The following CDKAL1 variants were observed in gnomAD, a reference collection of about 807,000 sequenced individuals.
CDKAL1 encodes threonylcarbamoyladenosine tRNA methylthiotransferase.
CDKAL1 carries 32 observed loss-of-function variants against 68.2 expected under a neutral mutation model. The observed-to-expected ratio is 0.47, with a 90% confidence interval of 0.35 to 0.63. CDKAL1 has a LOEUF of 0.63. Among genes scored for constraint, CDKAL1 ranks in the 30% least tolerant of loss-of-function variants. CDKAL1 has a pLI of 0.00. For missense variants in CDKAL1, 606 were observed against 696.7 expected (o/e 0.87, Z 1.47); for synonymous variants, 234 against 244.3 (o/e 0.96, Z 0.39).
At chr6:20,820,881 G>C (rs1777248515) in intron 8 of CDKAL1, among the ~76,000 whole-genome samples, 3 of 152,048 alleles carry the variant, frequency 2.0e-5, no homozygotes, top group African/African-American at 4.8e-5. Context: ...CAGCAGACTA[G>C]ATTAAAATGT....
chr6:20,647,896 T>C (rs1768551934), intron 4 of CDKAL1, among the ~76,000 whole-genome samples: 1 of 151,532 alleles, frequency 6.6e-6, no homozygotes, highest in Admixed American at 6.6e-5. Context: ...GTAGTTTCCA[T>C]GCCTTTCATT....
At chr6:20,707,957 T>G (rs1318192990) in intron 5 of CDKAL1, among the ~76,000 whole-genome samples, 2 of 151,956 alleles carry the variant, frequency 1.3e-5, no homozygotes, top group African/African-American at 4.8e-5. Flanking sequence ...CATGGACCTG[T>G]GATCTAAACT....
At chr6:20,738,747 C>T (rs1773312135) in intron 5 of CDKAL1, among the ~76,000 whole-genome samples, 1 of 152,182 alleles carries the variant, frequency 6.6e-6, no homozygotes, top group Non-Finnish European at 1.5e-5. Flanking sequence ...GATCCTCCCG[C>T]CTTGGCCTCC....
chr6:20,899,214 G>A (rs1193835230), intron 9 of CDKAL1, among the ~76,000 whole-genome samples: 5 of 151,898 alleles, frequency 3.3e-5, no homozygotes, highest in Non-Finnish European at 4.4e-5. Flanking sequence ...ACAGGTGCCC[G>A]CCACCACACC....
At chr6:20,982,922 T>C (rs1411201854) in intron 10 of CDKAL1, among the ~76,000 whole-genome samples, 1 of 152,232 alleles carries the variant, frequency 6.6e-6, no homozygotes, top group East Asian at 1.9e-4. Flanking sequence ...AATGGAACTT[T>C]TTCTTCATCT....
At chr6:20,846,013 C>T (rs948860345) in intron 8 of CDKAL1, 62 bp from the exon 9 acceptor site, 25 of 991,550 alleles carry the variant, frequency 2.5e-5, no homozygotes, top group Admixed American at 4.0e-5. Flanking sequence ...TGAGGTATCC[C>T]CATGTTAAGT....
chr6:20,984,073 T>C (rs1766305765), intron 10 of CDKAL1, among the ~76,000 whole-genome samples: 1 of 152,202 alleles, frequency 6.6e-6, no homozygotes, highest in Admixed American at 6.5e-5. Flanking sequence ...GTAAAACTAC[T>C]ACGTTTTTTT....
At chr6:20,733,891 G>A (rs1462050386) in intron 5 of CDKAL1, among the ~76,000 whole-genome samples, 2 of 152,250 alleles carry the variant, frequency 1.3e-5, no homozygotes, top group East Asian at 1.9e-4. Flanking sequence ...GCTCATGCCT[G>A]TAATCCCAGC....
intron 4 of CDKAL1, among the ~76,000 whole-genome samples, chr6:20,551,654 G>A (rs572303448): frequency 1.3e-5 from 2 of 152,084 alleles, no homozygotes; most frequent in African/African-American, 4.8e-5. Flanking sequence ...ACAGGTGTGA[G>A]CCACCGCGCC....
intron 5 of CDKAL1, among the ~76,000 whole-genome samples, chr6:20,689,304 G>T (rs73732740): frequency 0.068 from 10,299 of 152,118 alleles, 1,111 homozygotes; most frequent in African/African-American, 0.23. Flanking sequence ...TACTCTAAAA[G>T]TTGTCCACAC....
chr6:20,568,474 C>T (rs1764552428), intron 4 of CDKAL1, among the ~76,000 whole-genome samples: 1 of 151,844 alleles, frequency 6.6e-6, no homozygotes, highest in Admixed American at 6.6e-5. Flanking sequence ...GTGGCTCACG[C>T]CTGTAATCCC....
intron 4 of CDKAL1, among the ~76,000 whole-genome samples, chr6:20,611,995 A>G (rs1391184584): frequency 1.3e-5 from 2 of 152,210 alleles, no homozygotes; most frequent in African/African-American, 4.8e-5. Flanking sequence ...GAGTGACAAC[A>G]TGCAAAATTT....
At chr6:21,035,547 A>G (rs936836481) in intron 11 of CDKAL1, among the ~76,000 whole-genome samples, 1 of 152,184 alleles carries the variant, frequency 6.6e-6, no homozygotes, top group African/African-American at 2.4e-5. Flanking sequence ...GTGTTTATCA[A>G]GAAAGAAACA....
intron 10 of CDKAL1, among the ~76,000 whole-genome samples, chr6:20,965,589 A>C (rs1359028940): frequency 1.3e-5 from 2 of 152,214 alleles, no homozygotes; most frequent in African/African-American, 4.8e-5. Flanking sequence ...ACATATTTCA[A>C]CTGACACACA....
intron 4 of CDKAL1, among the ~76,000 whole-genome samples, chr6:20,587,672 G>A (rs1449111717): frequency 6.6e-6 from 1 of 152,150 alleles, no homozygotes; most frequent in Non-Finnish European, 1.5e-5. Flanking sequence ...TTTTGAGGCT[G>A]CAGTGAGCCA....
rs571328336 is a variant in CDKAL1, at chr6:21,091,643, G to A, written c.1237-16758G>A. Among the ~76,000 whole-genome samples, 55 of 152,126 alleles carry A rather than the reference G, an allele frequency of 3.6e-4. 1 individual carries two copies. Among genetic ancestry groups the A allele is most frequent in the African/African-American group, 1.2e-3 (50 of 41,508 alleles). On this transcript the variant is annotated intron_variant, in intron 12 of 15. Transcript: ENST00000274695. ...AACCTGTGGTACAGTTGAGGGCAAG[G>A]GGAATTCAGTGCCTATATGGATATC...
intron 9 of CDKAL1, among the ~76,000 whole-genome samples, chr6:20,868,522 A>G (rs1760026130): frequency 6.6e-6 from 1 of 152,240 alleles, no homozygotes; most frequent in Non-Finnish European, 1.5e-5. Flanking sequence ...CGGCCGTGGC[A>G]GCAGCAGCTG....
chr6:21,027,232 C>T (rs1490430247), intron 11 of CDKAL1, among the ~76,000 whole-genome samples: 1 of 152,116 alleles, frequency 6.6e-6, no homozygotes, highest in African/African-American at 2.4e-5. Flanking sequence ...GTACATTCTT[C>T]CATATTCATA....
intron 13 of CDKAL1, among the ~76,000 whole-genome samples, chr6:21,153,072 T>C (rs952350296): frequency 6.6e-6 from 1 of 152,192 alleles, no homozygotes; most frequent in Non-Finnish European, 1.5e-5. Flanking sequence ...GGTGATGTTT[T>C]GAAAATTCAT....
Sources: gnomAD v4.1 joint callset for allele counts (sites outside exome capture counted in the v4.1 genomes callset) on GRCh38, gnomAD v4.1.1 for gene constraint, MANE v1.5 for transcripts, NCBI Gene and HGNC (gene_info 2026-07-23, HGNC 2026-07-21) for gene names.